The following SAMD12 variants were observed in gnomAD, a reference collection of about 807,000 sequenced individuals.
The protein encoded by SAMD12 is sterile alpha motif domain containing 12.
SAMD12 carries 9 observed loss-of-function variants against 15.0 expected under a neutral mutation model. The ratio of observed to expected loss-of-function variants is 0.60; its 90% CI spans 0.36 to 1.05. SAMD12 has a LOEUF of 1.05. Ranked by LOEUF, SAMD12 falls within the 50% of genes least tolerant of loss-of-function variation. The pLI is 0.01. For synonymous variants in SAMD12, 86 were observed against 90.1 expected, an observed-to-expected ratio of 0.96 and a Z score of 0.25; for missense variants, 230 against 234.2, an observed-to-expected ratio of 0.98 and a Z score of 0.12.
chr8:118,470,584 AC>A (rs1823766337), intron 2 of SAMD12, among the ~76,000 whole-genome samples: 1 of 152,188 alleles, frequency 6.6e-6, no homozygotes, highest in African/African-American at 2.4e-5. Flanking sequence ...TCCAAGGTTA[AC>A]TCTGAGAACA....
intron 4 of SAMD12, among the ~76,000 whole-genome samples, chr8:118,351,630 C>G (rs1817969536): frequency 6.6e-6 from 1 of 152,078 alleles, no homozygotes; most frequent in African/African-American, 2.4e-5. Context: ...ACTAGTTAGA[C>G]TAAGAAAAGA....
intron 1 of SAMD12, among the ~76,000 whole-genome samples, chr8:118,589,891 G>A (rs527596521): frequency 6.6e-6 from 1 of 152,200 alleles, no homozygotes; most frequent in South Asian, 2.1e-4. Flanking sequence ...CAGGGAAGAA[G>A]AAATAGACAT....
rs1393974564 is a variant in SAMD12, at chr8:118,298,215, AT to A, written c.433+81344del. Among the ~76,000 whole-genome samples, 14 of 152,356 alleles carry A rather than the reference AT, an allele frequency of 9.2e-5. No homozygotes were observed. The East Asian group carries it at 2.5e-3, about 27-fold the overall frequency. On this transcript the variant is annotated intron_variant, in intron 4 of 4. Coordinates refer to the SAMD12 transcript ENST00000409003. Reference sequence around the variant, plus strand: ...CCTTTAAGAAATACAAGTACATAAAATTGATTCCATAAATGAATGCTCAAAA... The same window carrying A: ...CCTTTAAGAAATACAAGTACATAAAATGATTCCATAAATGAATGCTCAAAA...
At position 118,547,213 on chromosome 8, in the gene SAMD12, T is replaced by A. The variant is rs564038797; in HGVS notation, c.192+33502A>T. ...GCATGTTCCACAGGCACGTCTTTTT[T>A]AAAAAAAATGTAGCAGCAAACACCT... On this transcript the variant is annotated intron_variant, in intron 2 of 3. Coordinates refer to ENST00000314727, the MANE Select transcript of SAMD12 (RefSeq NM_207506.3). Among the ~76,000 whole-genome samples the A allele has an allele frequency of 2.8e-4, 43 of 152,282 alleles. No individual in the cohort carries two copies. The South Asian group carries it at 7.5e-3, about 26-fold the overall frequency.
chr8:118,392,928 G>C lies in SAMD12; in HGVS notation c.323-13228C>G, dbSNP rs570902734. Among the ~76,000 whole-genome samples the C allele has an allele frequency of 2.0e-5, 3 of 152,200 alleles. No individual in the cohort carries two copies. The South Asian group carries it at 6.2e-4, about 32-fold the overall frequency. ...AAACTACCCCTGGTTGAGAACCATT[G>C]GTTTAGGAGTTTGCTTCCAACCAAG... On this transcript the variant is annotated intron_variant, in intron 3 of 3. Transcript: ENST00000314727.
At chr8:118,360,839 C>G (rs917824052) in intron 4 of SAMD12, among the ~76,000 whole-genome samples, 11 of 152,116 alleles carry the variant, frequency 7.2e-5, no homozygotes, top group African/African-American at 2.7e-4. Context: ...AATATTACCC[C>G]TTTCAGTATG....
intron 4 of SAMD12, among the ~76,000 whole-genome samples, chr8:118,259,452 T>A (rs538459407): frequency 2.5e-4 from 38 of 152,216 alleles, no homozygotes; most frequent in African/African-American, 8.4e-4. Context: ...CAAGACATCC[T>A]ACAGTGCACA....
At chr8:118,148,818 A>C in the SAMD12 span, among the ~76,000 whole-genome samples, 115 of 152,314 alleles carry the variant, frequency 7.6e-4, 2 homozygotes, top group East Asian at 0.018. Context: ...TTCACTTAGC[A>C]TAATGTTTTT....
chr8:118,152,495 C>CCTTG, the SAMD12 span, among the ~76,000 whole-genome samples: 1 of 147,714 alleles, frequency 6.8e-6, no homozygotes, highest in Non-Finnish European at 1.5e-5. Context: ...TTCCTTCCTT[C>CCTTG]CTTCCTTCTT....
In SAMD12 at chr8:118,266,751, C is replaced by A. The variant is rs577395381; in HGVS notation, c.434-69019G>T. The stretch of plus-strand genomic sequence containing the variant: ...GACAGCCACAGAAAGATAAATACTG[C>A]ATGATCTCTCTTATTTGTGGAATTA... On this transcript the variant is annotated intron_variant, in intron 4 of 4. Coordinates refer to the SAMD12 transcript ENST00000409003. Among the ~76,000 whole-genome samples the A allele has an allele frequency of 4.6e-5, 7 of 152,168 alleles. No individual in the cohort carries two copies. The East Asian group carries it at 1.4e-3, about 30-fold the overall frequency.
intron 4 of SAMD12, among the ~76,000 whole-genome samples, chr8:118,294,888 G>A (rs1169288254): frequency 6.6e-6 from 1 of 152,126 alleles, no homozygotes; most frequent in African/African-American, 2.4e-5. Flanking sequence ...AGTTAAGGAA[G>A]ACTGGGATGT....
intron 3 of SAMD12, among the ~76,000 whole-genome samples, chr8:118,428,884 A>C (rs142079692): frequency 3.9e-5 from 6 of 152,270 alleles, no homozygotes; most frequent in Non-Finnish European, 7.4e-5. Flanking sequence ...CAAGTCCTCA[A>C]AAGTTTGTTC....
chr8:118,501,656 T>C (rs1347503766), intron 2 of SAMD12, among the ~76,000 whole-genome samples: 1 of 152,178 alleles, frequency 6.6e-6, no homozygotes, highest in African/African-American at 2.4e-5. Flanking sequence ...GAGACTTCTA[T>C]TGTTTACTGC....
intron 4 of SAMD12, among the ~76,000 whole-genome samples, chr8:118,202,198 T>C (rs561494612): frequency 6.6e-6 from 1 of 152,312 alleles, no homozygotes; most frequent in East Asian, 1.9e-4. Flanking sequence ...ACTATTGTTT[T>C]ATTATTATTA....
chr8:118,545,188 C>G (rs975157316), intron 2 of SAMD12, among the ~76,000 whole-genome samples: 2 of 152,112 alleles, frequency 1.3e-5, no homozygotes, highest in Non-Finnish European at 2.9e-5. Context: ...AACCCCAGGC[C>G]AGGCACAGTG....
intron 2 of SAMD12, among the ~76,000 whole-genome samples, chr8:118,486,115 A>G (rs1824269219): frequency 6.6e-6 from 1 of 152,192 alleles, no homozygotes; most frequent in Non-Finnish European, 1.5e-5. Context: ...GGAAGCCCAA[A>G]CTTAAAAGAA....
chr8:118,554,688 A>T (rs571298199), intron 2 of SAMD12, among the ~76,000 whole-genome samples: 13 of 152,062 alleles, frequency 8.5e-5, no homozygotes, highest in African/African-American at 2.9e-4. Flanking sequence ...ATAATAAAAA[A>T]GAACTAAAAA....
At chr8:118,136,891 C>T in the SAMD12 span, among the ~76,000 whole-genome samples, 2 of 152,252 alleles carry the variant, frequency 1.3e-5, no homozygotes, top group Non-Finnish European at 2.9e-5. Context: ...CAGTTTCTTT[C>T]TGCCTCTTCT....
chr8:118,388,565 C>A (rs75257038), intron 3 of SAMD12, among the ~76,000 whole-genome samples: 1 of 152,124 alleles, frequency 6.6e-6, no homozygotes, highest in African/African-American at 2.4e-5. Context: ...CTTCCCATAA[C>A]GTAAGTAAGC....
Sources: allele counts gnomAD v4.1 joint callset (sites outside exome capture counted in the v4.1 genomes callset), GRCh38; gene constraint gnomAD v4.1.1; transcripts MANE v1.5; gene names NCBI Gene and HGNC (gene_info 2026-07-23, HGNC 2026-07-21).